PTPRM: variants seen among roughly 807,000 people sequenced by gnomAD.
PTPRM encodes the protein protein tyrosine phosphatase receptor type M, also known as receptor-type tyrosine-protein phosphatase mu.
In PTPRM, 47 loss-of-function variants were observed where a neutral mutation model predicts 186.7. That is an observed-to-expected ratio of 0.25 (90% CI 0.20 to 0.32). PTPRM has a LOEUF of 0.32. Among genes scored for constraint, PTPRM ranks in the 10% least tolerant of loss-of-function variants. The pLI is 1.00. For synonymous variants in PTPRM, 668 were observed against 674.9 expected, an observed-to-expected ratio of 0.99 and a Z score of 0.16; for missense variants, 1,494 against 1,865.0, an observed-to-expected ratio of 0.80 and a Z score of 3.66.
chr18:8,253,239 C>A lies in PTPRM; in HGVS notation c.2579C>A (p.Thr860Lys). Reference protein sequence around the residue: ...ILVPINDETHTMASDTSSLVQ... With the variant: ...ILVPINDETHKMASDTSSLVQ... ...CTTCTTTTCCTAGATGAAACCCACA[C>A]AATGGCCAGCGATACCAGCAGCCTG... is the stretch of plus-strand genomic sequence containing the variant. The change falls in exon 19 of 33, where the codon ACA (threonine) becomes AAA (lysine). Residue 860 changes from threonine (T) to lysine (K), a missense_variant. Thr to Lys is a moderately conservative substitution (Grantham distance 78). Around this residue, in one of 3 missense-constraint regions of PTPRM, gnomAD observed 1,107 missense variants for 1,350.2 expected, o/e 0.82. Coordinates refer to ENST00000580170, the MANE Select transcript of PTPRM (RefSeq NM_001105244.2). 6.6e-7 allele frequency: 1 copy of A among 1,514,660 alleles called. No homozygotes were observed. The highest frequency in any genetic ancestry group is 8.9e-7 in the Non-Finnish European group (1 of 1,127,724). 93.8% of individuals were successfully genotyped at this position (1,514,660 alleles called of 1,614,324 possible).
intron 7 of PTPRM, among the ~76,000 whole-genome samples, chr18:8,063,969 T>C (rs1178028623): frequency 6.6e-6 from 1 of 152,206 alleles, no homozygotes; most frequent in East Asian, 1.9e-4. Context: ...AGGCTGTCAA[T>C]TGTGGCCTAT....
At chr18:8,173,651 G>A (rs2093438194) in intron 14 of PTPRM, among the ~76,000 whole-genome samples, 1 of 152,194 alleles carries the variant, frequency 6.6e-6, no homozygotes, top group African/African-American at 2.4e-5. Flanking sequence ...TAGAGGCTGG[G>A]GTGTTTCAAG....
In PTPRM at chr18:8,085,543, T is replaced by G. The variant is rs1052195607; in HGVS notation, c.1552-128T>G. ...TCATCCCTTCAGTGGATTCAGGATTTCAAGAGTCTGAGTAGGAGCTTATCA... is the reference window on the plus strand; with the variant it reads ...TCATCCCTTCAGTGGATTCAGGATTGCAAGAGTCTGAGTAGGAGCTTATCA... On this transcript the variant is annotated intron_variant, in intron 9 of 32. Coordinates refer to ENST00000580170, the MANE Select transcript of PTPRM (RefSeq NM_001105244.2). 4 of 787,742 alleles carry G rather than the reference T, an allele frequency of 5.1e-6. No homozygotes were observed. In the Admixed American group the frequency reaches 9.9e-5, roughly 19 times the overall value. The allele number at this position is 787,742 out of a possible 1,614,324, so 48.8% of individuals were successfully genotyped here.
intron 7 of PTPRM, among the ~76,000 whole-genome samples, chr18:8,041,603 C>T (rs2086695469): frequency 6.6e-6 from 1 of 152,178 alleles, no homozygotes; most frequent in Non-Finnish European, 1.5e-5. Context: ...GAAAAGCTGG[C>T]CATACTATGA....
chr18:8,158,876 A>C (rs939933224), intron 14 of PTPRM, among the ~76,000 whole-genome samples: 2 of 152,150 alleles, frequency 1.3e-5, no homozygotes, highest in Non-Finnish European at 2.9e-5. Flanking sequence ...GAACTCACTC[A>C]CCACCAAAGG....
intron 4 of PTPRM, among the ~76,000 whole-genome samples, chr18:7,909,060 G>A (rs1472883603): frequency 1.3e-5 from 2 of 152,344 alleles, no homozygotes; most frequent in East Asian, 3.9e-4. Context: ...GGTGGCTGCA[G>A]TCAAGGTTGC....
At chr18:7,752,201 C>T (rs187533630) in intron 1 of PTPRM, among the ~76,000 whole-genome samples, 4 of 152,230 alleles carry the variant, frequency 2.6e-5, no homozygotes, top group African/African-American at 9.6e-5. Flanking sequence ...GCCAAATTTC[C>T]TGCCTAAGTT....
intron 1 of PTPRM, among the ~76,000 whole-genome samples, chr18:7,657,702 C>T (rs902666175): frequency 6.6e-6 from 1 of 152,102 alleles, no homozygotes; most frequent in African/African-American, 2.4e-5. Flanking sequence ...CAAGATGGAC[C>T]GAAATTTTCA....
At chr18:7,941,626 C>T (rs1012081788) in intron 5 of PTPRM, among the ~76,000 whole-genome samples, 3 of 152,208 alleles carry the variant, frequency 2.0e-5, no homozygotes, top group Admixed American at 2.0e-4. Flanking sequence ...CTATCAAAGG[C>T]AGGAATAAAC....
chr18:7,772,443 CCCCTTCCT>C (rs1322302150), intron 1 of PTPRM, among the ~76,000 whole-genome samples: 4 of 78,436 alleles, frequency 5.1e-5, no homozygotes, highest in African/African-American at 2.2e-4. Context: ...CCTTCCCCTT[CCCCTTCCT>C]TCCTTCCTTC....
intron 2 of PTPRM, among the ~76,000 whole-genome samples, chr18:7,813,038 C>T (rs544447425): frequency 9.2e-5 from 14 of 152,324 alleles, no homozygotes; most frequent in East Asian, 5.8e-4. Flanking sequence ...ATCATGCTGA[C>T]GAATTACCCC....
At chr18:8,196,103 A>C (rs891548952) in intron 14 of PTPRM, among the ~76,000 whole-genome samples, 2 of 152,220 alleles carry the variant, frequency 1.3e-5, no homozygotes, top group Non-Finnish European at 2.9e-5. Context: ...CTTCTATCCA[A>C]TGAGCCATCC....
rs767112903 is a variant in PTPRM at position 7,955,324 on chromosome 18, G to A, written c.1042G>A (p.Glu348Lys). The A allele has an allele frequency of 1.9e-6, 3 of 1,614,102 alleles. No individual in the cohort carries two copies. The highest frequency in any genetic ancestry group is 2.5e-6 in the Non-Finnish European group (3 of 1,180,050). The change falls in exon 7 of 33, where the codon GAA (glutamate) becomes AAA (lysine). Residue 348 changes from glutamate to lysine, a missense_variant. Transcript: ENST00000580170. ...AATTGGACACCTTGACCCAGATACA[G>A]AATATGAGATTAGTGTGCTCCTGAC... ...YKIGHLDPDT[E>K]YEISVLLTRP...
intron 7 of PTPRM, among the ~76,000 whole-genome samples, chr18:7,987,817 T>G (rs371155488): frequency 2.0e-4 from 30 of 152,142 alleles, no homozygotes; most frequent in Non-Finnish European, 2.2e-4. Flanking sequence ...TGGATTTATT[T>G]TGAAATTTTA....
chr18:7,783,204 G>A (rs999713809), intron 2 of PTPRM, among the ~76,000 whole-genome samples: 3 of 152,132 alleles, frequency 2.0e-5, no homozygotes, highest in Admixed American at 1.3e-4. Context: ...TGAGGACTAA[G>A]GGTGATCAGC....
intron 1 of PTPRM, among the ~76,000 whole-genome samples, chr18:7,769,251 C>T (rs997505208): frequency 6.6e-6 from 1 of 151,994 alleles, no homozygotes; most frequent in Non-Finnish European, 1.5e-5. Context: ...AGAATATGGG[C>T]CCCTTATGAC....
At chr18:7,772,361 T>TTCTTTC (rs1266902025) in intron 1 of PTPRM, among the ~76,000 whole-genome samples, 16 of 48,964 alleles carry the variant, frequency 3.3e-4, no homozygotes, top group African/African-American at 8.8e-4. Context: ...CTTTCTTTCT[T>TTCTTTC]TCTTTCTTTC....
At chr18:8,213,883 A>G (rs757054566) in intron 14 of PTPRM, among the ~76,000 whole-genome samples, 3 of 152,224 alleles carry the variant, frequency 2.0e-5, no homozygotes, top group Non-Finnish European at 4.4e-5. Context: ...GAGTGGATAA[A>G]TAATATTTAT....
At chr18:8,287,633 C>CCAAGCAG (rs1395737989) in intron 19 of PTPRM, among the ~76,000 whole-genome samples, 8 of 152,206 alleles carry the variant, frequency 5.3e-5, no homozygotes, top group African/African-American at 1.9e-4. Context: ...AGGAGGTATT[C>CCAAGCAG]TTACTGCTCT....
Sources: allele counts gnomAD v4.1 joint callset (sites outside exome capture counted in the v4.1 genomes callset), GRCh38; gene constraint gnomAD v4.1.1; regional missense constraint gnomAD v4.1.1; transcripts MANE v1.5; gene names NCBI Gene and HGNC (gene_info 2026-07-23, HGNC 2026-07-21).